The following COMMD10 variants were observed in gnomAD, a reference collection of about 807,000 sequenced individuals.
COMMD10 encodes COMM domain containing 10, also known as COMM domain-containing protein 10.
Under a neutral mutation model 28.9 loss-of-function variants are expected in COMMD10, and 33 were observed. That is an observed-to-expected ratio of 1.14 (90% CI 0.87 to 1.53). COMMD10 has a LOEUF of 1.53. Among genes scored for constraint, COMMD10 ranks in the 40% most tolerant of loss-of-function variants. COMMD10 has a pLI of 0.00. For synonymous variants in COMMD10, 110 were observed against 81.7 expected, an observed-to-expected ratio of 1.35 and a Z score of -1.87; for missense variants, 310 against 233.4, an observed-to-expected ratio of 1.33 and a Z score of -2.14.
intron 5 of COMMD10, among the ~76,000 whole-genome samples, chr5:116,176,289 A>G (rs1046899217): frequency 6.6e-6 from 1 of 152,052 alleles, no homozygotes; most frequent in African/African-American, 2.4e-5. Flanking sequence ...TTGTTTTTCT[A>G]TTTTTAGTAG....
At chr5:116,260,021 G>A (rs1750398518) in intron 5 of COMMD10, among the ~76,000 whole-genome samples, 1 of 151,622 alleles carries the variant, frequency 6.6e-6, no homozygotes. Context: ...TTTTTGGTCT[G>A]CAGTGGTATT....
chr5:116,093,978 A>G (rs564365542), intron 4 of COMMD10, among the ~76,000 whole-genome samples: 1 of 152,304 alleles, frequency 6.6e-6, no homozygotes, highest in South Asian at 2.1e-4. Flanking sequence ...AACTATGCAG[A>G]AGAATGTAAT....
At chr5:116,120,491 A>T (rs990994115) in intron 4 of COMMD10, among the ~76,000 whole-genome samples, 1 of 152,094 alleles carries the variant, frequency 6.6e-6, no homozygotes, top group Non-Finnish European at 1.5e-5. Context: ...TACCCCAAAA[A>T]CTATTGAAAT....
At chr5:116,192,524 C>G (rs1453031763) in intron 5 of COMMD10, among the ~76,000 whole-genome samples, 1 of 151,998 alleles carries the variant, frequency 6.6e-6, no homozygotes, top group Non-Finnish European at 1.5e-5. Context: ...ATGTGAAATG[C>G]TCTGGAAAGT....
chr5:116,086,715 C>T (rs1243643928), intron 1 of COMMD10, among the ~76,000 whole-genome samples: 1 of 152,170 alleles, frequency 6.6e-6, no homozygotes, highest in Non-Finnish European at 1.5e-5. Flanking sequence ...CCTCCCTGGC[C>T]TTGCAAAGTG....
At chr5:116,126,428 A>G (rs1027946876) in intron 4 of COMMD10, among the ~76,000 whole-genome samples, 19 of 152,306 alleles carry the variant, frequency 1.2e-4, no homozygotes, top group African/African-American at 4.3e-4. Context: ...AAACTACTTT[A>G]AAGTTCATAT....
chr5:116,116,904 C>T (rs763842522), intron 4 of COMMD10, among the ~76,000 whole-genome samples: 2 of 152,072 alleles, frequency 1.3e-5, no homozygotes, highest in African/African-American at 2.4e-5. Flanking sequence ...TATATACACA[C>T]ATTTAATTAT....
intron 5 of COMMD10, among the ~76,000 whole-genome samples, chr5:116,263,119 G>T (rs150077039): frequency 6.6e-6 from 1 of 151,722 alleles, no homozygotes; most frequent in South Asian, 2.1e-4. Context: ...TATATAAGCC[G>T]TTTTTACTTA....
At chr5:116,156,161 C>G (rs1424557725) in intron 5 of COMMD10, among the ~76,000 whole-genome samples, 1 of 151,954 alleles carries the variant, frequency 6.6e-6, no homozygotes, top group East Asian at 1.9e-4. Context: ...CTATCCAGTT[C>G]CAAAATAACT....
rs376454175 is a variant in COMMD10 at position 116,255,942 on chromosome 5, G to A, written c.511-35575G>A. 5.3e-5 allele frequency: 8 copies of A among 151,602 alleles called. No homozygotes were observed. In the South Asian group the frequency reaches 1.2e-3, roughly 24 times the overall value. The allele number at this position is 151,602 out of a possible 1,614,324, so 9.4% of individuals were successfully genotyped here. A position where few individuals can be genotyped will look rare whatever the true frequency, so the allele number is the denominator to read the frequency against. Reference sequence around the variant, plus strand: ...GGAATTGAATGTAGTGTTCAGAAACGTTGCAGTTAGATCCACTCTTAATTT... The same window carrying A: ...GGAATTGAATGTAGTGTTCAGAAACATTGCAGTTAGATCCACTCTTAATTT... On this transcript the variant is annotated intron_variant, in intron 5 of 6. Coordinates refer to ENST00000274458, the MANE Select transcript of COMMD10 (RefSeq NM_016144.4).
At chr5:116,290,972 T>C (rs1751344975) in intron 5 of COMMD10, among the ~76,000 whole-genome samples, 1 of 152,156 alleles carries the variant, frequency 6.6e-6, no homozygotes, top group African/African-American at 2.4e-5. Flanking sequence ...AGAGAGTGTT[T>C]AAGTCCTGAC....
intron 5 of COMMD10, among the ~76,000 whole-genome samples, chr5:116,182,643 G>A (rs1386860723): frequency 6.6e-6 from 1 of 152,052 alleles, no homozygotes; most frequent in Non-Finnish European, 1.5e-5. Flanking sequence ...GGAGGTTTAA[G>A]GGAATGTTGA....
At chr5:116,238,437 A>G (rs1749734936) in intron 5 of COMMD10, among the ~76,000 whole-genome samples, 1 of 152,100 alleles carries the variant, frequency 6.6e-6, no homozygotes, top group African/African-American at 2.4e-5. Context: ...GTTTAATGTA[A>G]TTTTGAAATG....
chr5:116,170,437 TC>T (rs1753285006), intron 5 of COMMD10, among the ~76,000 whole-genome samples: 1 of 152,154 alleles, frequency 6.6e-6, no homozygotes, highest in African/African-American at 2.4e-5. Flanking sequence ...TTCAGTGCCA[TC>T]CCCATCAAGC....
At chr5:116,225,257 G>A (rs1368675920) in intron 5 of COMMD10, among the ~76,000 whole-genome samples, 3 of 150,638 alleles carry the variant, frequency 2.0e-5, no homozygotes, top group African/African-American at 4.9e-5. Context: ...TACTTTACTT[G>A]CTAAATTCAA....
intron 4 of COMMD10, among the ~76,000 whole-genome samples, chr5:116,123,180 CT>C (rs1751502720): frequency 6.6e-6 from 1 of 151,954 alleles, no homozygotes; most frequent in Non-Finnish European, 1.5e-5. Context: ...CCATCAATAC[CT>C]AGTTTATTCC....
intron 5 of COMMD10, among the ~76,000 whole-genome samples, chr5:116,182,338 A>T (rs551289215): frequency 6.6e-6 from 1 of 152,056 alleles, no homozygotes; most frequent in Non-Finnish European, 1.5e-5. Flanking sequence ...GAGAGAAATT[A>T]AGAACAATAG....
chr5:116,107,873 C>T (rs746756481), intron 4 of COMMD10, among the ~76,000 whole-genome samples: 7 of 152,048 alleles, frequency 4.6e-5, no homozygotes, highest in Non-Finnish European at 7.4e-5. Context: ...TCTGAGTGGC[C>T]GTACTTTTTG....
At chr5:116,218,512 T>C (rs1268519991) in intron 5 of COMMD10, among the ~76,000 whole-genome samples, 1 of 152,196 alleles carries the variant, frequency 6.6e-6, no homozygotes, top group East Asian at 1.9e-4. Flanking sequence ...ACACAATTTC[T>C]AAGGATGCTT....
Sources: allele counts gnomAD v4.1 joint callset (sites outside exome capture counted in the v4.1 genomes callset), GRCh38; gene constraint gnomAD v4.1.1; transcripts MANE v1.5; gene names NCBI Gene and HGNC (gene_info 2026-07-23, HGNC 2026-07-21).